LYPLAL1: variants seen among roughly 807,000 people sequenced by gnomAD.
The protein encoded by LYPLAL1 is lysophospholipase like 1, also known as lysophospholipase-like protein 1.
LYPLAL1 carries 23 observed loss-of-function variants against 19.7 expected under a neutral mutation model. That is an observed-to-expected ratio of 1.17 (90% CI 0.84 to 1.65). The LOEUF is 1.65. LYPLAL1 is among the 40% of genes most tolerant of loss of function. The pLI, the probability that LYPLAL1 is intolerant of heterozygous loss-of-function variation, is 0.00. For synonymous variants in LYPLAL1, 119 were observed against 96.3 expected (o/e 1.24, Z -1.38); for missense variants, 355 against 279.4 (o/e 1.27, Z -1.93).
At chr1:219,189,502 G>A (rs1656980532) in intron 2 of LYPLAL1, among the ~76,000 whole-genome samples, 1 of 151,494 alleles carries the variant, frequency 6.6e-6, no homozygotes, top group African/African-American at 2.4e-5. Flanking sequence ...TTTTGAGAAG[G>A]GATTCTGGGA....
the LYPLAL1 span, among the ~76,000 whole-genome samples, chr1:219,440,018 C>CATATAT: frequency 1.0e-5 from 1 of 98,584 alleles, no homozygotes; most frequent in African/African-American, 5.0e-5. Flanking sequence ...TATATACACA[C>CATATAT]ACACACATAT....
At chr1:219,196,041 G>C (rs964905652) in intron 3 of LYPLAL1, among the ~76,000 whole-genome samples, 4 of 152,064 alleles carry the variant, frequency 2.6e-5, no homozygotes, top group Non-Finnish European at 5.9e-5. Flanking sequence ...AGTATTCTAT[G>C]GTGTACATGT....
chr1:219,407,008 T>C, the LYPLAL1 span, among the ~76,000 whole-genome samples: 2 of 152,224 alleles, frequency 1.3e-5, no homozygotes, highest in African/African-American at 4.8e-5. Context: ...ATCTCTGCAA[T>C]TGTTTTGATC....
intron 1 of LYPLAL1, among the ~76,000 whole-genome samples, chr1:219,177,120 C>G (rs1655882153): frequency 6.6e-6 from 1 of 152,158 alleles, no homozygotes; most frequent in Non-Finnish European, 1.5e-5. Context: ...CACAGCTAGA[C>G]TTAGACTTGG....
chr1:219,398,791 G>A, the LYPLAL1 span, among the ~76,000 whole-genome samples: 1 of 152,150 alleles, frequency 6.6e-6, no homozygotes, highest in South Asian at 2.1e-4. Context: ...CATCCAACTG[G>A]CTTAGTTTCT....
the LYPLAL1 span, among the ~76,000 whole-genome samples, chr1:219,426,512 G>A: frequency 6.6e-6 from 1 of 152,074 alleles, no homozygotes; most frequent in Non-Finnish European, 1.5e-5. Flanking sequence ...AGGCAGTAAG[G>A]GCCAACATTT....
chr1:219,327,391 G>A, the LYPLAL1 span, among the ~76,000 whole-genome samples: 12 of 152,254 alleles, frequency 7.9e-5, no homozygotes, highest in Admixed American at 7.8e-4. Context: ...GGCAAATGAA[G>A]ACAAGAAGAA....
chr1:219,196,293 A>T (rs975023999), intron 3 of LYPLAL1, among the ~76,000 whole-genome samples: 24 of 152,262 alleles, frequency 1.6e-4, no homozygotes, highest in African/African-American at 5.8e-4. Flanking sequence ...ATTTTCATCA[A>T]CAGTGTAAAA....
chr1:219,195,414 A>G (rs887241382), intron 3 of LYPLAL1, among the ~76,000 whole-genome samples: 6 of 152,116 alleles, frequency 3.9e-5, no homozygotes, highest in Non-Finnish European at 7.4e-5. Context: ...AGGATGAGAA[A>G]TTGCTTTAAA....
the LYPLAL1 span, among the ~76,000 whole-genome samples, chr1:219,289,990 G>T: frequency 9.2e-5 from 14 of 152,252 alleles, no homozygotes; most frequent in East Asian, 2.7e-3. Context: ...TCTAAATCCA[G>T]ATAACCTGGG....
chr1:219,303,765 T>C, the LYPLAL1 span, among the ~76,000 whole-genome samples: 2 of 152,202 alleles, frequency 1.3e-5, no homozygotes, highest in African/African-American at 4.8e-5. Flanking sequence ...AAATGGCACA[T>C]GGAGATGAAT....
At chr1:219,236,418 A>C in the LYPLAL1 span, among the ~76,000 whole-genome samples, 1 of 152,226 alleles carries the variant, frequency 6.6e-6, no homozygotes, top group African/African-American at 2.4e-5. Context: ...TGACTTTACA[A>C]ATATCTGCAT....
chr1:219,199,620 T>TC (rs1491432990), intron 3 of LYPLAL1, among the ~76,000 whole-genome samples: 2 of 137,600 alleles, frequency 1.5e-5, no homozygotes, highest in East Asian at 2.3e-4. Flanking sequence ...TTTTTTTTTT[T>TC]CTTTTTTTTT....
the LYPLAL1 span, among the ~76,000 whole-genome samples, chr1:219,243,324 C>T: frequency 1.3e-5 from 2 of 151,682 alleles, no homozygotes. Flanking sequence ...AGGCCTGTGT[C>T]TAGAAGAACA....
the LYPLAL1 span, among the ~76,000 whole-genome samples, chr1:219,426,754 A>G: frequency 6.6e-6 from 1 of 152,092 alleles, no homozygotes; most frequent in Admixed American, 6.5e-5. Flanking sequence ...GCGAGCCACC[A>G]CACCCAGCTA....
chr1:219,335,950 G>A, the LYPLAL1 span, among the ~76,000 whole-genome samples: 1 of 151,430 alleles, frequency 6.6e-6, no homozygotes, highest in Non-Finnish European at 1.5e-5. Context: ...GCTTCACAGA[G>A]CAAGTGATGC....
At chr1:219,360,648 CAT>C in the LYPLAL1 span, among the ~76,000 whole-genome samples, 7 of 152,120 alleles carry the variant, frequency 4.6e-5, no homozygotes, top group African/African-American at 1.2e-4. Context: ...CACATATGCA[CAT>C]GTGTGCTCAC....
At chr1:219,255,971 G>A in the LYPLAL1 span, among the ~76,000 whole-genome samples, 1 of 151,134 alleles carries the variant, frequency 6.6e-6, no homozygotes, top group African/African-American at 2.4e-5. Flanking sequence ...AGATTAGCTT[G>A]GTTAATATTT....
At chr1:219,244,152 T>C in the LYPLAL1 span, among the ~76,000 whole-genome samples, 1 of 152,024 alleles carries the variant, frequency 6.6e-6, no homozygotes, top group Non-Finnish European at 1.5e-5. Context: ...GGAAAACCAA[T>C]GCTCAAAGAC....
Sources: allele counts gnomAD v4.1 joint callset (sites outside exome capture counted in the v4.1 genomes callset), GRCh38; gene constraint gnomAD v4.1.1; transcripts MANE v1.5; gene names NCBI Gene and HGNC (gene_info 2026-07-23, HGNC 2026-07-21).